The following KIF3C variants were observed in gnomAD, a reference collection of about 807,000 sequenced individuals.
KIF3C encodes kinesin family member 3C.
KIF3C carries 12 observed loss-of-function variants against 67.7 expected under a neutral mutation model. The observed-to-expected ratio is 0.18, with a 90% CI of 0.11 to 0.29. The LOEUF (loss-of-function observed/expected upper bound fraction) is 0.29, where lower values mean the gene tolerates loss of function less well. Among genes scored for constraint, KIF3C ranks in the 10% least tolerant of loss-of-function variants. KIF3C has a pLI of 1.00. For synonymous variants in KIF3C, 393 were observed against 426.2 expected (o/e 0.92, Z 0.96); for missense variants, 789 against 1,059.6 (o/e 0.74, Z 3.55).
chr2:25,964,675 A>C (rs1257201315), intron 1 of KIF3C, among the ~76,000 whole-genome samples: 2 of 152,158 alleles, frequency 1.3e-5, no homozygotes, highest in Non-Finnish European at 2.9e-5. Context: ...CCTCAGATTC[A>C]AAATGAAATT....
chr2:25,947,578 CAA>C (rs910674037), intron 5 of KIF3C, among the ~76,000 whole-genome samples: 2 of 119,270 alleles, frequency 1.7e-5, no homozygotes, highest in Admixed American at 8.7e-5. Context: ...GAGACTGCCT[CAA>C]AAAAAAAAAA....
chr2:25,980,237 T>G lies in KIF3C; in HGVS notation c.1545+136A>C. The G allele has an allele frequency of 1.4e-6, 1 of 722,368 alleles. No homozygotes were observed. The highest frequency in any genetic ancestry group is 2.2e-6 in the Non-Finnish European group (1 of 446,628). The allele number at this position is 722,368 out of a possible 1,614,324, so 44.7% of individuals were successfully genotyped here. On this transcript the variant is annotated intron_variant, in intron 1 of 7. Coordinates refer to ENST00000264712, the MANE Select transcript of KIF3C (RefSeq NM_002254.8). The surrounding 1 kb of genome is among the most constrained non-coding windows in gnomAD (Gnocchi z 7.6). ...TTTGCCTGGCTGCTCTGGGGGCACA[T>G]TTGGCAGGAGGGCAGTGTGCGGTGC...
At position 25,981,373 on chromosome 2, in the gene KIF3C, G is replaced by A; in HGVS notation, c.545C>T (p.Ser182Phe). 2 of 1,614,184 alleles carry A rather than the reference G, an allele frequency of 1.2e-6. No homozygotes were observed. Residue 182 changes from serine (S) to phenylalanine (F), a missense_variant, in exon 1 of 8, where the codon TCC (serine) becomes TTC (phenylalanine). By Grantham distance (155) the Ser-to-Phe change is radical. Transcript: ENST00000264712. The surrounding 1 kb of genome is among the most constrained non-coding windows in gnomAD (Gnocchi z 8.2). ...CTCCTTGACATTCTTGGTGACGAAG[G>A]AGGAGAGGTCCTTGATGTAGACGCC... ...ETGVYIKDLS[S>F]FVTKNVKEIE... is the part of the protein sequence containing the mutation.
At chr2:25,974,530 C>CAAAGATACT (rs1664362384) in intron 1 of KIF3C, among the ~76,000 whole-genome samples, 4 of 152,104 alleles carry the variant, frequency 2.6e-5, no homozygotes, top group Admixed American at 2.6e-4. Context: ...AGCACTGTAA[C>CAAAGATACT]AAAGATACTA....
intron 5 of KIF3C, among the ~76,000 whole-genome samples, chr2:25,932,461 C>A (rs1357114092): frequency 6.6e-6 from 1 of 151,604 alleles, no homozygotes; most frequent in African/African-American, 2.4e-5. Context: ...TAGGAGTTAG[C>A]ATAATAAAAT....
At chr2:25,964,715 G>C (rs1664097903) in intron 1 of KIF3C, among the ~76,000 whole-genome samples, 3 of 152,138 alleles carry the variant, frequency 2.0e-5, no homozygotes, top group Admixed American at 1.3e-4. Context: ...ACCTTCCCCA[G>C]CTATCCACAC....
intron 5 of KIF3C, among the ~76,000 whole-genome samples, chr2:25,949,341 A>C (rs1309843414): frequency 6.6e-6 from 1 of 152,150 alleles, no homozygotes; most frequent in African/African-American, 2.4e-5. Flanking sequence ...TGAGAGGACA[A>C]GGCAGGCAGA....
At chr2:25,949,829 G>A (rs1397299166) in intron 5 of KIF3C, among the ~76,000 whole-genome samples, 1 of 150,906 alleles carries the variant, frequency 6.6e-6, no homozygotes, top group African/African-American at 2.4e-5. Flanking sequence ...AAATTAGCCA[G>A]GCGTGGTAGC....
intron 5 of KIF3C, among the ~76,000 whole-genome samples, chr2:25,937,474 G>A (rs534895673): frequency 8.8e-4 from 134 of 152,332 alleles, no homozygotes; most frequent in South Asian, 2.9e-3. Context: ...AGGCGTGCCC[G>A]TGAGGAGAGG....
intron 5 of KIF3C, among the ~76,000 whole-genome samples, chr2:25,937,774 G>A (rs1270220138): frequency 6.6e-6 from 1 of 152,082 alleles, no homozygotes; most frequent in Non-Finnish European, 1.5e-5. Flanking sequence ...TTATTGGCCA[G>A]GTGTGGTGGC....
At chr2:25,979,509 G>A (rs1281367818) in intron 1 of KIF3C, among the ~76,000 whole-genome samples, 1 of 152,150 alleles carries the variant, frequency 6.6e-6, no homozygotes. Context: ...GGTAAACTGA[G>A]GCCTGAGAAA....
At chr2:25,942,229 A>ATGAG (rs1663300438) in intron 5 of KIF3C, among the ~76,000 whole-genome samples, 1 of 140,654 alleles carries the variant, frequency 7.1e-6, no homozygotes, top group Non-Finnish European at 1.5e-5. Flanking sequence ...GTGGTGGCAC[A>ATGAG]TGCCTATAAT....
chr2:25,957,901 C>T (rs936424905), intron 1 of KIF3C, among the ~76,000 whole-genome samples: 1 of 152,178 alleles, frequency 6.6e-6, no homozygotes, highest in Non-Finnish European at 1.5e-5. Context: ...ACACTGCAGC[C>T]GCCTGCGCTC....
chr2:25,950,093 C>A (rs974313280), intron 5 of KIF3C, among the ~76,000 whole-genome samples: 4 of 151,482 alleles, frequency 2.6e-5, no homozygotes, highest in African/African-American at 9.7e-5. Context: ...GGTTTCACCA[C>A]GTTGGCCAGG....
Position 25,982,017 on chromosome 2 carries a change from C to T in KIF3C, c.-100G>A, listed in dbSNP as rs1664610679. ...GGATCAGCGGGGCCGGCCCAGCCCC[C>T]AGGCGCAGCTCTTCAATCCGCATGC... On this transcript the variant is annotated 5_prime_UTR_variant, in exon 1 of 8. Transcript: ENST00000264712. The T allele has an allele frequency of 9.3e-6, 9 of 968,052 alleles. No individual in the cohort carries two copies. Among genetic ancestry groups the T allele is most frequent in the Non-Finnish European group, 1.3e-5 (9 of 671,374 alleles). The allele number at this position is 968,052 out of a possible 1,614,324, so 60.0% of individuals were successfully genotyped here.
intron 5 of KIF3C, among the ~76,000 whole-genome samples, chr2:25,941,120 A>AC (rs398071255): frequency 1.1e-3 from 164 of 150,474 alleles, no homozygotes; most frequent in African/African-American, 3.6e-3. Flanking sequence ...ACATAGTGAG[A>AC]CCCCCGTCTC....
At chr2:25,954,019 T>C in intron 4 of KIF3C, 2 of 458,792 alleles carry the variant, frequency 4.4e-6, no homozygotes, top group East Asian at 7.1e-5. Flanking sequence ...GCAAAGATGG[T>C]AGCCTCAGGG....
intron 5 of KIF3C, among the ~76,000 whole-genome samples, chr2:25,930,320 A>G (rs2090448863): frequency 2.0e-5 from 3 of 152,150 alleles, no homozygotes; most frequent in Admixed American, 6.6e-5. Flanking sequence ...ATGTTTCGAG[A>G]GACAGACACA....
chr2:25,950,106 G>A (rs931598317), intron 5 of KIF3C, among the ~76,000 whole-genome samples: 14 of 151,780 alleles, frequency 9.2e-5, no homozygotes, highest in African/African-American at 3.4e-4. Flanking sequence ...TGGCCAGGCT[G>A]GTCTCAAACT....
Sources: gnomAD v4.1 joint callset for allele counts (sites outside exome capture counted in the v4.1 genomes callset) on GRCh38, gnomAD v4.1.1 for gene constraint, Gnocchi (gnomAD v3.1) non-coding constraint, MANE v1.5 for transcripts, NCBI Gene and HGNC (gene_info 2026-07-23, HGNC 2026-07-21) for gene names.